Variants in CAMTA1 observed in about 807,000 individuals in gnomAD.
CAMTA1 encodes calmodulin-binding transcription activator 1.
In CAMTA1, 27 loss-of-function variants were observed where a neutral mutation model predicts 170.9. That is an observed-to-expected ratio of 0.16 (90% CI 0.12 to 0.22). The LOEUF is 0.22. Ranked by LOEUF, CAMTA1 falls within the 10% of genes least tolerant of loss-of-function variation. The pLI is 1.00. For synonymous variants in CAMTA1, 833 were observed against 891.5 expected, an observed-to-expected ratio of 0.93 and a Z score of 1.17; for missense variants, 1,619 against 2,217.2, an observed-to-expected ratio of 0.73 and a Z score of 5.42.
At chr1:7,492,811 G>A (rs550576143) in intron 6 of CAMTA1, among the ~76,000 whole-genome samples, 2,371 of 121,794 alleles carry the variant, frequency 0.019, 39 homozygotes, top group Middle Eastern at 0.072. Context: ...ATACACATGC[G>A]CGCACAGACA....
chr1:7,443,849 G>T lies in CAMTA1; in HGVS notation c.439-23981G>T, dbSNP rs2092612404. On this transcript the variant is annotated intron_variant, in intron 5 of 22. Coordinates refer to ENST00000303635, the MANE Select transcript of CAMTA1 (RefSeq NM_015215.4). This position sits in a 1 kb window ranked among gnomAD's most constrained non-coding sequence, Gnocchi z 4.1. ...GGTCCCAAGACAGCCTCTACAGGGG[G>T]TCCCAGCTGAGCAGGCCAGAGGGAG... Among the ~76,000 whole-genome samples, 1 of 151,994 alleles carries T rather than the reference G, an allele frequency of 6.6e-6. No homozygotes were observed. The highest frequency in any genetic ancestry group is 1.5e-5 in the Non-Finnish European group (1 of 67,984).
At chr1:7,667,160 ATTTCGG>A (rs1343264619) in intron 9 of CAMTA1, among the ~76,000 whole-genome samples, 1 of 151,898 alleles carries the variant, frequency 6.6e-6, no homozygotes, top group Non-Finnish European at 1.5e-5. Flanking sequence ...AAGTGCTGGG[ATTTCGG>A]GCATGAGCCA....
At chr1:7,630,365 T>C (rs192620819) in intron 6 of CAMTA1, among the ~76,000 whole-genome samples, 1 of 152,212 alleles carries the variant, frequency 6.6e-6, no homozygotes, top group African/African-American at 2.4e-5. Flanking sequence ...TGCCCAGGAT[T>C]GTGTCAGGCA....
In CAMTA1 at chr1:7,317,722, C is replaced by CA. The variant is rs1677738670; in HGVS notation, c.438+68098dup. ...CCTGTGCCCTGTGTCGGTGACCAGT[C>CA]AACTGGCATATCCTGAATGGAACAC... On this transcript the variant is annotated intron_variant, in intron 5 of 22. Coordinates refer to ENST00000303635, the MANE Select transcript of CAMTA1 (RefSeq NM_015215.4). Among the ~76,000 whole-genome samples, 12 of 152,294 alleles carry CA rather than the reference C, an allele frequency of 7.9e-5. 1 individual carries two copies. In the South Asian group the frequency reaches 2.5e-3, roughly 32 times the overall value.
At chr1:6,856,786 A>T (rs1415022804) in intron 3 of CAMTA1, among the ~76,000 whole-genome samples, 6 of 152,140 alleles carry the variant, frequency 3.9e-5, no homozygotes, top group Non-Finnish European at 8.8e-5. Flanking sequence ...TATTTTTATG[A>T]TGAAAGTGAT....
chr1:7,446,188 A>G (rs1250367051), intron 5 of CAMTA1, among the ~76,000 whole-genome samples: 1 of 151,966 alleles, frequency 6.6e-6, no homozygotes, highest in Non-Finnish European at 1.5e-5. Flanking sequence ...TGTGAAAAAA[A>G]AAAAAAAGCC....
intron 5 of CAMTA1, among the ~76,000 whole-genome samples, chr1:7,442,862 T>A (rs534959569): frequency 8.5e-5 from 13 of 152,284 alleles, no homozygotes; most frequent in African/African-American, 3.1e-4. Flanking sequence ...AAAGCAAGCA[T>A]GGTCCCTGCC....
In CAMTA1 at chr1:7,124,671, A is replaced by G. The variant is rs117686817; in HGVS notation, c.302+33300A>G. 3.8e-3 allele frequency among the ~76,000 whole-genome samples: 586 copies of G among 152,352 alleles called. 6 individuals are homozygous for G. The highest frequency in any genetic ancestry group is 0.028 in the South Asian group (134 of 4,830). ...CTGGCTCTGCCGTCAGGAAACGTTAAGCAGATTCCTTGAAGTTTAGGGTCA... is the reference window on the plus strand; with the variant it reads ...CTGGCTCTGCCGTCAGGAAACGTTAGGCAGATTCCTTGAAGTTTAGGGTCA... On this transcript the variant is annotated intron_variant, in intron 4 of 22. Coordinates refer to ENST00000303635, the MANE Select transcript of CAMTA1 (RefSeq NM_015215.4).
At chr1:7,086,102 G>A (rs570406399) in intron 3 of CAMTA1, among the ~76,000 whole-genome samples, 45 of 152,218 alleles carry the variant, frequency 3.0e-4, no homozygotes, top group African/African-American at 1.1e-3. Context: ...GCACATAGAC[G>A]CCATACCTTG....
chr1:7,297,878 T>G (rs1216243246), intron 5 of CAMTA1, among the ~76,000 whole-genome samples: 1 of 152,208 alleles, frequency 6.6e-6, no homozygotes, highest in Non-Finnish European at 1.5e-5. Flanking sequence ...AGTTTCATGA[T>G]TGTTTACAGC....
chr1:6,832,587 G>T (rs1650815680), intron 3 of CAMTA1, among the ~76,000 whole-genome samples: 1 of 152,070 alleles, frequency 6.6e-6, no homozygotes, highest in African/African-American at 2.4e-5. Flanking sequence ...AGACTCTTCA[G>T]ACTTCCTAAA....
chr1:7,265,769 CACT>C (rs370252619), intron 5 of CAMTA1, among the ~76,000 whole-genome samples: 30 of 152,222 alleles, frequency 2.0e-4, no homozygotes, highest in African/African-American at 7.2e-4. Flanking sequence ...ATTATATTTC[CACT>C]GGACAGCCCT....
chr1:7,366,408 G>T (rs1346894466), intron 5 of CAMTA1, among the ~76,000 whole-genome samples: 2 of 152,238 alleles, frequency 1.3e-5, no homozygotes, highest in Non-Finnish European at 2.9e-5. Context: ...AAGGCCGCGG[G>T]TTGCCTTGGA....
chr1:7,327,942 CTGTT>C lies in CAMTA1; in HGVS notation c.438+78326_438+78329del, dbSNP rs200170637. Among the ~76,000 whole-genome samples the C allele has an allele frequency of 5.6e-3, 850 of 152,032 alleles. 8 individuals carry two copies. The highest frequency in any genetic ancestry group is 0.019 in the African/African-American group (798 of 41,456). On this transcript the variant is annotated intron_variant, in intron 5 of 22. Coordinates refer to ENST00000303635, the MANE Select transcript of CAMTA1 (RefSeq NM_015215.4). ...AATATACAGTTTCAGGTTGACAGTT[CTGTT>C]TGTTTGTTTTTTTTTCCCTCCCAGC...
Position 6,969,333 on chromosome 1 carries a change from C to A in CAMTA1, c.235-121971C>A, listed in dbSNP as rs1254076607. On this transcript the variant is annotated intron_variant, in intron 3 of 22. Transcript: ENST00000303635. ...CGGGATGCCTGTGACCTGAGTGGAG[C>A]TAGAAGGGGCAAGGAACGCTGCAGA... is the stretch of plus-strand genomic sequence containing the variant. 2.0e-5 allele frequency among the ~76,000 whole-genome samples: 3 copies of A among 152,136 alleles called. No homozygotes were observed. The East Asian group carries it at 5.8e-4, about 29-fold the overall frequency.
chr1:7,031,349 G>A (rs1236497918), intron 3 of CAMTA1, among the ~76,000 whole-genome samples: 1 of 152,048 alleles, frequency 6.6e-6, no homozygotes, highest in Non-Finnish European at 1.5e-5. Context: ...TTTATCTGTA[G>A]TAGTATTTTT....
intron 4 of CAMTA1, among the ~76,000 whole-genome samples, chr1:7,111,566 T>C (rs924754474): frequency 2.0e-5 from 3 of 152,102 alleles, no homozygotes; most frequent in Admixed American, 6.5e-5. Context: ...AGTGGACAGG[T>C]TGCTTCACCT....
At chr1:7,720,115 A>G (rs1018372705) in intron 11 of CAMTA1, among the ~76,000 whole-genome samples, 1 of 152,240 alleles carries the variant, frequency 6.6e-6, no homozygotes, top group Non-Finnish European at 1.5e-5. Flanking sequence ...GTTTGCCGAT[A>G]TTATTCATTA....
chr1:6,843,079 C>T (rs1656548287), intron 3 of CAMTA1, among the ~76,000 whole-genome samples: 1 of 152,294 alleles, frequency 6.6e-6, no homozygotes, highest in East Asian at 1.9e-4. Flanking sequence ...AAGCAGTATA[C>T]GGTACTCAAA....
Sources: gnomAD v4.1 joint callset for allele counts (sites outside exome capture counted in the v4.1 genomes callset) on GRCh38, gnomAD v4.1.1 for gene constraint, Gnocchi (gnomAD v3.1) non-coding constraint, MANE v1.5 for transcripts, NCBI Gene and HGNC (gene_info 2026-07-23, HGNC 2026-07-21) for gene names.